NFIB: variants seen among roughly 807,000 people sequenced by gnomAD.
The protein encoded by NFIB is nuclear factor I B, also known as nuclear factor 1 B-type.
A neutral mutation model predicts 61.5 loss-of-function variants in NFIB; 11 were observed. The observed-to-expected ratio is 0.18, with a 90% confidence interval of 0.11 to 0.30. The LOEUF (loss-of-function observed/expected upper bound fraction) is 0.30, where lower values mean the gene tolerates loss of function less well. NFIB is among the 10% of genes least tolerant of loss of function. NFIB has a pLI of 1.00. For synonymous variants in NFIB, 260 were observed against 216.5 expected, an observed-to-expected ratio of 1.20 and a Z score of -1.76; for missense variants, 471 against 608.9, an observed-to-expected ratio of 0.77 and a Z score of 2.38.
At chr9:14,243,818 G>A (rs1358148796) in intron 2 of NFIB, among the ~76,000 whole-genome samples, 4 of 152,182 alleles carry the variant, frequency 2.6e-5, no homozygotes, top group African/African-American at 9.7e-5. Flanking sequence ...GGAGTAAAAT[G>A]ACTGAGTGAG....
At chr9:14,214,278 C>T (rs572958872) in intron 2 of NFIB, among the ~76,000 whole-genome samples, 45 of 152,224 alleles carry the variant, frequency 3.0e-4, no homozygotes, top group Non-Finnish European at 5.6e-4. Flanking sequence ...TCTCAAAGCA[C>T]ACAGGGCCAG....
chr9:14,115,325 A>G (rs1410623888), intron 9 of NFIB, among the ~76,000 whole-genome samples: 1 of 152,078 alleles, frequency 6.6e-6, no homozygotes, highest in Non-Finnish European at 1.5e-5. Context: ...AGATATCTGT[A>G]TAATTGGTGA....
chr9:14,125,203 G>C (rs2039474134), intron 7 of NFIB, among the ~76,000 whole-genome samples: 2 of 152,136 alleles, frequency 1.3e-5, no homozygotes, highest in South Asian at 4.2e-4. Context: ...TGTCGCCTAG[G>C]CTGGAGTGCA....
At chr9:14,471,959 G>C in the NFIB span, among the ~76,000 whole-genome samples, 1 of 152,174 alleles carries the variant, frequency 6.6e-6, no homozygotes. Flanking sequence ...TCCATTCTCT[G>C]CCTCCATCTC....
At chr9:14,398,665 G>T in exon 1 of NFIB, 1 of 1,432,576 alleles carries the variant, frequency 7.0e-7, no homozygotes, top group Non-Finnish European at 9.4e-7. Context: ...AAGCCTGTAG[G>T]CTCTGCTTCT....
chr9:14,205,444 A>G (rs1177919394), intron 2 of NFIB, among the ~76,000 whole-genome samples: 3 of 151,868 alleles, frequency 2.0e-5, no homozygotes, highest in African/African-American at 4.8e-5. Context: ...TACGATATAT[A>G]CACAAGGTAT....
At chr9:14,476,359 T>C in the NFIB span, among the ~76,000 whole-genome samples, 2 of 151,980 alleles carry the variant, frequency 1.3e-5, no homozygotes, top group African/African-American at 4.8e-5. Flanking sequence ...TGTCAGATAA[T>C]GGGGAGTACA....
At chr9:14,124,634 T>C (rs1439708366) in intron 7 of NFIB, among the ~76,000 whole-genome samples, 1 of 152,214 alleles carries the variant, frequency 6.6e-6, no homozygotes, top group Non-Finnish European at 1.5e-5. Flanking sequence ...CATATTTATA[T>C]ATAAAACTTT....
At chr9:14,114,027 G>T (rs898539556) in intron 9 of NFIB, among the ~76,000 whole-genome samples, 1 of 152,044 alleles carries the variant, frequency 6.6e-6, no homozygotes, top group Admixed American at 6.6e-5. Flanking sequence ...TACCTTTATT[G>T]TTCTGAAGAA....
At chr9:14,166,713 AC>A (rs1333573731) in intron 3 of NFIB, among the ~76,000 whole-genome samples, 1 of 151,908 alleles carries the variant, frequency 6.6e-6, no homozygotes, top group African/African-American at 2.4e-5. Context: ...CTCATCATCA[AC>A]CCTTTTCTCA....
chr9:14,289,800 A>G (rs2058972237), intron 2 of NFIB, among the ~76,000 whole-genome samples: 1 of 152,012 alleles, frequency 6.6e-6, no homozygotes, highest in African/African-American at 2.4e-5. Flanking sequence ...GAATAATCTT[A>G]CTCATAATAT....
chr9:14,260,433 G>C (rs4740563), intron 2 of NFIB, among the ~76,000 whole-genome samples: 10,421 of 152,208 alleles, frequency 0.068, 566 homozygotes, highest in East Asian at 0.24. Flanking sequence ...TTCTTACTTA[G>C]TTTATGTAGC....
chr9:14,217,312 AAAGAT>A (rs2051037714), intron 2 of NFIB, among the ~76,000 whole-genome samples: 1 of 152,218 alleles, frequency 6.6e-6, no homozygotes, highest in African/African-American at 2.4e-5. Flanking sequence ...AGAGCAACCA[AAAGAT>A]AAGATATACA....
At chr9:14,152,898 T>C (rs1249618742) in intron 4 of NFIB, among the ~76,000 whole-genome samples, 1 of 151,644 alleles carries the variant, frequency 6.6e-6, no homozygotes, top group Non-Finnish European at 1.5e-5. Context: ...TGAAGAGAGA[T>C]TGGTTAATGG....
At chr9:14,248,828 C>T (rs1380377022) in intron 2 of NFIB, among the ~76,000 whole-genome samples, 1 of 152,150 alleles carries the variant, frequency 6.6e-6, no homozygotes, top group Non-Finnish European at 1.5e-5. Flanking sequence ...ACTGGGTTTG[C>T]TTGGCTAATA....
chr9:14,248,367 C>A (rs537924442), intron 2 of NFIB, among the ~76,000 whole-genome samples: 1 of 151,206 alleles, frequency 6.6e-6, no homozygotes, highest in Non-Finnish European at 1.5e-5. Flanking sequence ...GTCTCCCAGG[C>A]TCAAGTGATC....
At chr9:14,427,497 C>A in the NFIB span, among the ~76,000 whole-genome samples, 1 of 152,170 alleles carries the variant, frequency 6.6e-6, no homozygotes, top group East Asian at 1.9e-4. Context: ...TAAATTTAAA[C>A]ACAGGAATCA....
chr9:14,480,850 G>C, the NFIB span, among the ~76,000 whole-genome samples: 1 of 152,076 alleles, frequency 6.6e-6, no homozygotes, highest in African/African-American at 2.4e-5. Context: ...TCTTCCTGTA[G>C]TATGAAGCCT....
At chr9:14,424,854 A>G in the NFIB span, among the ~76,000 whole-genome samples, 1 of 152,150 alleles carries the variant, frequency 6.6e-6, no homozygotes. Context: ...ATTTTACATG[A>G]GGGACATCTA....
Sources: allele counts gnomAD v4.1 joint callset (sites outside exome capture counted in the v4.1 genomes callset), GRCh38; gene constraint gnomAD v4.1.1; transcripts MANE v1.5; gene names NCBI Gene and HGNC (gene_info 2026-07-23, HGNC 2026-07-21).